MEI1: variants seen among roughly 807,000 people sequenced by gnomAD.
MEI1 encodes meiosis inhibitor protein 1.
Under a neutral mutation model 146.2 loss-of-function variants are expected in MEI1, and 103 were observed. The ratio of observed to expected loss-of-function variants is 0.70; its 90% confidence interval spans 0.60 to 0.83. The LOEUF (loss-of-function observed/expected upper bound fraction) is 0.83, where lower values mean the gene tolerates loss of function less well. MEI1 is among the 40% of genes least tolerant of loss of function. The probability of loss-of-function intolerance (pLI) is 0.00; values close to 1 mark genes in which losing one functional copy is unlikely to be tolerated. For missense variants in MEI1, 1,529 were observed against 1,533.0 expected (o/e 1.00, Z 0.04); for synonymous variants, 652 against 628.2 (o/e 1.04, Z -0.57).
chr22:41,714,718 A>G (rs1441922721), intron 4 of MEI1, among the ~76,000 whole-genome samples: 1 of 5,818 alleles, frequency 1.7e-4, no homozygotes, highest in African/African-American at 8.3e-3. Context: ...TAAAAATACA[A>G]AAAAAAAAAA....
chr22:41,742,400 G>A (rs2072957260), intron 11 of MEI1, among the ~76,000 whole-genome samples: 1 of 152,184 alleles, frequency 6.6e-6, no homozygotes, highest in African/African-American at 2.4e-5. Flanking sequence ...ATTCTAGGTA[G>A]TGCTTCTTTT....
chr22:41,748,948 G>A (rs1017009667), intron 15 of MEI1, among the ~76,000 whole-genome samples: 24 of 151,926 alleles, frequency 1.6e-4, no homozygotes, highest in African/African-American at 5.1e-4. Context: ...GACTACAGGC[G>A]CCCGCCACCA....
chr22:41,784,632 C>CAA lies in MEI1; in HGVS notation c.3195_3196insAA (p.Ala1066LysfsTer12). On this transcript the variant is annotated frameshift_variant, in exon 26 of 31. Coordinates refer to ENST00000401548, the MANE Select transcript of MEI1 (RefSeq NM_152513.4). LOFTEE classifies it high-confidence loss of function. ...GCTGCCATCTTATGCTTCCTGCGGACAGCCCTGCGACAAAGCTTTTCCTCT... is the reference window on the plus strand; with the variant it reads ...GCTGCCATCTTATGCTTCCTGCGGACAAAGCCCTGCGACAAAGCTTTTCCTCT... 6.2e-7 allele frequency: 1 copy of CAA among 1,613,052 alleles called. No individual in the cohort carries two copies. Among genetic ancestry groups the CAA allele is most frequent in the Non-Finnish European group, 8.5e-7 (1 of 1,179,826 alleles).
chr22:41,792,094 A>C (rs1051243011), intron 26 of MEI1, among the ~76,000 whole-genome samples: 1 of 152,216 alleles, frequency 6.6e-6, no homozygotes, highest in African/African-American at 2.4e-5. Context: ...ATTTTAAAAA[A>C]CTACTGAATT....
At chr22:41,720,031 A>C (rs1235722658) in intron 6 of MEI1, among the ~76,000 whole-genome samples, 20 of 152,212 alleles carry the variant, frequency 1.3e-4, no homozygotes, top group Admixed American at 1.3e-3. Flanking sequence ...AGAGATGATC[A>C]AATCCAAGCT....
intron 30 of MEI1, among the ~76,000 whole-genome samples, chr22:41,797,206 C>T (rs1445163097): frequency 6.6e-6 from 1 of 151,940 alleles, no homozygotes; most frequent in African/African-American, 2.4e-5. Flanking sequence ...CCAGGCTTGT[C>T]TCAAACTCCT....
At chr22:41,777,059 C>A (rs9607838) in intron 21 of MEI1, among the ~76,000 whole-genome samples, 1 of 152,012 alleles carries the variant, frequency 6.6e-6, no homozygotes, top group Admixed American at 6.6e-5. Flanking sequence ...TCAAGTGATC[C>A]GCCCACCTCA....
chr22:41,730,691 C>T, intron 9 of MEI1, 54 bp downstream of exon 9: 1 of 1,197,688 alleles, frequency 8.3e-7, no homozygotes, highest in Admixed American at 1.7e-5. Flanking sequence ...GCAGTTTGCA[C>T]TTGGGTAGCA....
At chr22:41,781,598 C>A in intron 23 of MEI1, 87 bp from the exon 24 acceptor site, 1 of 1,458,916 alleles carries the variant, frequency 6.9e-7, no homozygotes, top group Non-Finnish European at 9.3e-7. Context: ...GTTTGTGAAG[C>A]CCCAATCAGG....
intron 19 of MEI1, among the ~76,000 whole-genome samples, chr22:41,769,320 T>G (rs1224085615): frequency 6.6e-6 from 1 of 152,156 alleles, no homozygotes; most frequent in Non-Finnish European, 1.5e-5. Context: ...GGGGAAGATT[T>G]GTCTTTTCAG....
Position 41,776,215 on chromosome 22 carries a change from C to T in MEI1, c.2658C>T (p.Phe886=), listed in dbSNP as rs768203820. The change falls in exon 21 of 31, where the codon TTC becomes TTT. Residue 886 remains phenylalanine, a synonymous_variant. Transcript: ENST00000401548. ...IQVGGLIRGH[F]LLILQRLLVE... is the part of the protein sequence containing the mutation. ...TGGGCGGTCTTATCCGAGGCCACTT[C>T]CTGCTGATCCTGCAGCGTCTGCTAG... The T allele has an allele frequency of 6.8e-6, 11 of 1,613,984 alleles. No homozygotes were observed. The highest frequency in any genetic ancestry group is 3.3e-5 in the South Asian group (3 of 91,084).
In MEI1 at chr22:41,758,542, A is replaced by G. The variant is rs55997605; in HGVS notation, c.2120+9A>G. The G allele has an allele frequency of 1.9e-3, 2,990 of 1,606,134 alleles. 44 individuals carry two copies. The African/African-American group carries it at 0.036, about 19-fold the overall frequency. Reference sequence around the variant, plus strand: ...TACATCCATGAAGACAGGTCAGTGCACAGAGGTGGGTGGCTGGTGGTGGGT... The same window carrying G: ...TACATCCATGAAGACAGGTCAGTGCGCAGAGGTGGGTGGCTGGTGGTGGGT... On this transcript the variant is annotated intron_variant, in intron 18 of 30. Transcript: ENST00000401548.
chr22:41,757,102 TTTC>T (rs956719976), intron 17 of MEI1, among the ~76,000 whole-genome samples: 1 of 152,206 alleles, frequency 6.6e-6, no homozygotes, highest in African/African-American at 2.4e-5. Flanking sequence ...TCTTTCTTTC[TTTC>T]TTTTTTTGAG....
At chr22:41,736,809 G>C (rs2072412946) in intron 11 of MEI1, among the ~76,000 whole-genome samples, 1 of 152,064 alleles carries the variant, frequency 6.6e-6, no homozygotes, top group African/African-American at 2.4e-5. Flanking sequence ...AAATAACATA[G>C]GTTCCTGGGA....
chr22:41,781,291 G>T lies in MEI1; in HGVS notation c.2823G>T (p.Lys941Asn). The change falls in exon 23 of 31, where the codon AAG (lysine) becomes AAT (asparagine). Residue 941 changes from lysine to asparagine, a missense_variant. Transcript: ENST00000401548. ...VAMKLLHQVS[K>N]LCGKCSPTDV... ...GACTTTCATCTCTTGCAGTAAGCAA[G>T]CTGTGTGGGAAGTGCAGCCCCACTG... 6.2e-7 allele frequency: 1 copy of T among 1,611,016 alleles called. No homozygotes were observed. Among genetic ancestry groups the T allele is most frequent in the African/African-American group, 1.3e-5 (1 of 74,982 alleles).
At chr22:41,733,073 A>T (rs1174357455) in intron 11 of MEI1, among the ~76,000 whole-genome samples, 3 of 150,402 alleles carry the variant, frequency 2.0e-5, no homozygotes, top group Admixed American at 2.0e-4. Flanking sequence ...GAGCCACCGC[A>T]TCCAGCTGAA....
At chr22:41,745,687 G>A (rs548503791) in intron 13 of MEI1, among the ~76,000 whole-genome samples, 198 bp from the exon 14 acceptor site, 1 of 152,282 alleles carries the variant, frequency 6.6e-6, no homozygotes, top group Non-Finnish European at 1.5e-5. Context: ...GGAGGGGGTA[G>A]GGAGCAAGAA....
At position 41,719,280 on chromosome 22, in the gene MEI1, C is replaced by T. The variant is rs557149766; in HGVS notation, c.733+1006C>T. 2.9e-3 allele frequency among the ~76,000 whole-genome samples: 444 copies of T among 152,196 alleles called. 7 individuals are homozygous for T. The highest frequency in any genetic ancestry group is 0.01 in the African/African-American group (419 of 41,520). Reference sequence around the variant, plus strand: ...ACAGGCGTGAGCCACCGCGCCCGGCCGGTTCAAGTGATTCTTATGCCTCAG... The same window carrying T: ...ACAGGCGTGAGCCACCGCGCCCGGCTGGTTCAAGTGATTCTTATGCCTCAG... On this transcript the variant is annotated intron_variant, in intron 6 of 30. Transcript: ENST00000401548.
At chr22:41,752,570 T>C (rs1455825083) in intron 15 of MEI1, 21 bp from the exon 16 acceptor site, 16 of 1,584,474 alleles carry the variant, frequency 1.0e-5, no homozygotes, top group Non-Finnish European at 1.2e-5. Flanking sequence ...TGCTCTCTGC[T>C]TTATTCCCAC....
Sources: gnomAD v4.1 joint callset for allele counts (sites outside exome capture counted in the v4.1 genomes callset) on GRCh38, gnomAD v4.1.1 for gene constraint, MANE v1.5 for transcripts, NCBI Gene and HGNC (gene_info 2026-07-23, HGNC 2026-07-21) for gene names.